The following DIAPH3 variants were observed in gnomAD, a reference collection of about 807,000 sequenced individuals.
The protein encoded by DIAPH3 is diaphanous related formin 3, also known as protein diaphanous homolog 3.
A neutral mutation model predicts 144.3 loss-of-function variants in DIAPH3; 117 were observed. The ratio of observed to expected loss-of-function variants is 0.81; its 90% CI spans 0.70 to 0.95. DIAPH3 has a LOEUF of 0.95. Ranked by LOEUF, DIAPH3 falls within the 40% of genes least tolerant of loss-of-function variation. The pLI is 0.00. For missense variants in DIAPH3, 1,421 were observed against 1,412.7 expected (o/e 1.01, Z -0.09); for synonymous variants, 519 against 488.9 (o/e 1.06, Z -0.81).
At chr13:60,077,576 T>A (rs2057419424) in intron 4 of DIAPH3, among the ~76,000 whole-genome samples, 1 of 152,050 alleles carries the variant, frequency 6.6e-6, no homozygotes, top group African/African-American at 2.4e-5. Flanking sequence ...AATTTCAGAG[T>A]ACTCTAAGAG....
intron 2 of DIAPH3, among the ~76,000 whole-genome samples, chr13:60,114,672 C>CAA (rs1491258736): frequency 1.4e-5 from 2 of 141,924 alleles, no homozygotes; most frequent in Non-Finnish European, 3.1e-5. Context: ...CACACACACA[C>CAA]AAACACACAC....
chr13:59,870,194 C>T (rs999889863), intron 21 of DIAPH3, among the ~76,000 whole-genome samples: 8 of 150,498 alleles, frequency 5.3e-5, no homozygotes, highest in Admixed American at 4.0e-4. Flanking sequence ...TAGATGTTCT[C>T]GTACCTTTTC....
intron 5 of DIAPH3, among the ~76,000 whole-genome samples, chr13:60,029,424 A>C (rs897823911): frequency 6.6e-6 from 1 of 152,100 alleles, no homozygotes; most frequent in African/African-American, 2.4e-5. Flanking sequence ...TCACCACCCA[A>C]ATCTCACCTC....
rs576030895 is a variant in DIAPH3 at position 60,112,638 on chromosome 13, G to A, written c.214-452C>T. On this transcript the variant is annotated intron_variant, in intron 2 of 27. Coordinates refer to ENST00000400324, the MANE Select transcript of DIAPH3 (RefSeq NM_001042517.2). Reference sequence around the variant, plus strand: ...CGGAGTGGGGGTGGGAGGGGAACATGATTTAGGAATTTTTAGGAATTGAAT... The same window carrying A: ...CGGAGTGGGGGTGGGAGGGGAACATAATTTAGGAATTTTTAGGAATTGAAT... Among the ~76,000 whole-genome samples, 3 of 152,264 alleles carry A rather than the reference G, an allele frequency of 2.0e-5. No homozygotes were observed. In the East Asian group the frequency reaches 5.8e-4, roughly 29 times the overall value.
chr13:59,848,622 C>T (rs2139836695), intron 22 of DIAPH3, among the ~76,000 whole-genome samples: 1 of 129,738 alleles, frequency 7.7e-6, no homozygotes, highest in East Asian at 2.3e-4. Flanking sequence ...CAATTTCATC[C>T]ATGTCCCTAC....
At position 59,826,578 on chromosome 13, in the gene DIAPH3, A is replaced by C. The variant is rs1217522282; in HGVS notation, c.3027+6529T>G. 5.1e-3 allele frequency among the ~76,000 whole-genome samples: 762 copies of C among 149,518 alleles called. 4 individuals carry two copies. The highest frequency in any genetic ancestry group is 0.032 in the South Asian group (150 of 4,712). On this transcript the variant is annotated intron_variant, in intron 24 of 27. Transcript: ENST00000400324. ...CATTCCATGCTCATGGGTAGGAAGA[A>C]TCAATATCGTGAAAATGGCCATACT...
intron 20 of DIAPH3, among the ~76,000 whole-genome samples, chr13:59,908,066 T>C (rs2140217576): frequency 6.6e-6 from 1 of 152,208 alleles, no homozygotes; most frequent in Non-Finnish European, 1.5e-5. Flanking sequence ...ATCTAAGTGA[T>C]ACATGATAAA....
At chr13:60,109,874 G>C in intron 3 of DIAPH3, among the ~76,000 whole-genome samples, 1 of 152,168 alleles carries the variant, frequency 6.6e-6, no homozygotes, top group Non-Finnish European at 1.5e-5. Context: ...ACTATTTCAC[G>C]TATCTAATAG....
chr13:59,869,760 T>G (rs1469716504), intron 21 of DIAPH3, among the ~76,000 whole-genome samples: 1 of 152,204 alleles, frequency 6.6e-6, no homozygotes, highest in Non-Finnish European at 1.5e-5. Context: ...CCCTTCAATA[T>G]CTTTTCATAC....
In DIAPH3 at chr13:60,042,529, G is replaced by T. The variant is rs145402293; in HGVS notation, c.626+161C>A. Among the ~76,000 whole-genome samples the T allele has an allele frequency of 2.3e-3, 346 of 152,182 alleles. 1 individual carries two copies. The highest frequency in any genetic ancestry group is 3.9e-3 in the Admixed American group (60 of 15,284). Reference sequence around the variant, plus strand: ...GTACCACTCAGTAATAAATGCAAAAGGTACTATTGAGACTATATTTCTTCC... The same window carrying T: ...GTACCACTCAGTAATAAATGCAAAATGTACTATTGAGACTATATTTCTTCC... On this transcript the variant is annotated intron_variant, in intron 5 of 27. Transcript: ENST00000400324.
At chr13:59,764,527 G>A (rs781154869) in intron 27 of DIAPH3, among the ~76,000 whole-genome samples, 2 of 150,528 alleles carry the variant, frequency 1.3e-5, no homozygotes, top group South Asian at 2.2e-4. Flanking sequence ...TAGTACCTGT[G>A]AATGTCAACC....
chr13:60,123,856 G>A (rs557111687), intron 2 of DIAPH3, among the ~76,000 whole-genome samples: 2 of 152,194 alleles, frequency 1.3e-5, no homozygotes, highest in African/African-American at 4.8e-5. Flanking sequence ...TATCCTACTA[G>A]AATAATAAGA....
intron 20 of DIAPH3, among the ~76,000 whole-genome samples, chr13:59,880,290 G>A (rs558272984): frequency 6.6e-6 from 1 of 152,288 alleles, no homozygotes; most frequent in African/African-American, 2.4e-5. Flanking sequence ...TATGAAGCTA[G>A]ATATGAATTC....
chr13:59,876,715 T>C (rs1460215879), intron 21 of DIAPH3, among the ~76,000 whole-genome samples: 1 of 152,162 alleles, frequency 6.6e-6, no homozygotes, highest in East Asian at 1.9e-4. Flanking sequence ...CATAAGGACA[T>C]GAGGAAGAGC....
chr13:60,145,989 T>C (rs55985093), intron 1 of DIAPH3, among the ~76,000 whole-genome samples: 12,837 of 152,208 alleles, frequency 0.084, 742 homozygotes, highest in East Asian at 0.29. Context: ...TTGATAAAGT[T>C]TGAACTTATT....
At chr13:59,927,149 T>C (rs950025851) in intron 17 of DIAPH3, among the ~76,000 whole-genome samples, 14 of 152,328 alleles carry the variant, frequency 9.2e-5, no homozygotes, top group South Asian at 2.1e-4. Flanking sequence ...CCTGCACACT[T>C]TGACTTTTCA....
At chr13:59,726,446 G>T (rs1228687835) in intron 27 of DIAPH3, among the ~76,000 whole-genome samples, 4 of 152,116 alleles carry the variant, frequency 2.6e-5, no homozygotes, top group African/African-American at 4.8e-5. Context: ...AGGTCTATTT[G>T]CCTGCTCTTA....
At chr13:59,992,304 A>G in intron 10 of DIAPH3, 118 bp from the exon 11 acceptor site, 1 of 1,044,822 alleles carries the variant, frequency 9.6e-7, no homozygotes, top group Non-Finnish European at 1.4e-6. Flanking sequence ...TCGAACATTT[A>G]AAGTGTTAAA....
chr13:59,975,115 T>C (rs1335990674), intron 14 of DIAPH3, among the ~76,000 whole-genome samples: 1 of 152,034 alleles, frequency 6.6e-6, no homozygotes, highest in Non-Finnish European at 1.5e-5. Flanking sequence ...GTTCTCATCT[T>C]GCATTCAAAC....
Sources: allele counts gnomAD v4.1 joint callset (sites outside exome capture counted in the v4.1 genomes callset), GRCh38; gene constraint gnomAD v4.1.1; transcripts MANE v1.5; gene names NCBI Gene and HGNC (gene_info 2026-07-23, HGNC 2026-07-21).